BCAS1: variants seen among roughly 807,000 people sequenced by gnomAD.
BCAS1 encodes the protein breast carcinoma-amplified sequence 1.
BCAS1 carries 46 observed loss-of-function variants against 65.4 expected under a neutral mutation model. The observed-to-expected ratio is 0.70, with a 90% CI of 0.55 to 0.90. The LOEUF is 0.90. Among genes scored for constraint, BCAS1 ranks in the 40% least tolerant of loss-of-function variants. The pLI, the probability that BCAS1 is intolerant of heterozygous loss-of-function variation, is 0.00. For missense variants in BCAS1, 793 were observed against 771.2 expected (o/e 1.03, Z -0.33); for synonymous variants, 298 against 293.5 (o/e 1.02, Z -0.16).
At chr20:54,025,522 C>T (rs1228262750) in intron 4 of BCAS1, among the ~76,000 whole-genome samples, 1 of 152,142 alleles carries the variant, frequency 6.6e-6, no homozygotes, top group Non-Finnish European at 1.5e-5. Context: ...ATAAGATTGT[C>T]GTTCTGAAAA....
intron 6 of BCAS1, 117 bp downstream of exon 6, chr20:53,994,895 A>ACG: frequency 2.3e-6 from 1 of 443,278 alleles, no homozygotes; most frequent in Non-Finnish European, 4.1e-6. Context: ...TGATACACAC[A>ACG]CACACACACA....
intron 9 of BCAS1, among the ~76,000 whole-genome samples, chr20:53,971,364 C>T (rs1417038777): frequency 1.3e-5 from 2 of 152,152 alleles, no homozygotes; most frequent in African/African-American, 4.8e-5. Flanking sequence ...CATGGGTTAG[C>T]CAAAGCCAAC....
At chr20:54,001,862 A>G (rs537558096) in intron 4 of BCAS1, among the ~76,000 whole-genome samples, 1 of 152,208 alleles carries the variant, frequency 6.6e-6, no homozygotes, top group Non-Finnish European at 1.5e-5. Flanking sequence ...ACCCATTGGC[A>G]GTTACATTAG....
chr20:54,004,857 C>T (rs2145912739), intron 4 of BCAS1, among the ~76,000 whole-genome samples: 1 of 152,348 alleles, frequency 6.6e-6, no homozygotes, highest in Non-Finnish European at 1.5e-5. Flanking sequence ...CTCTGCAGTA[C>T]TGCACTTTCC....
chr20:54,069,062 T>C (rs1460463595), intron 1 of BCAS1, among the ~76,000 whole-genome samples: 2 of 152,170 alleles, frequency 1.3e-5, no homozygotes, highest in African/African-American at 4.8e-5. Context: ...ATTTGGGACA[T>C]TGGTTTGTTC....
chr20:53,998,762 C>T (rs1217552033), intron 4 of BCAS1, among the ~76,000 whole-genome samples: 2 of 151,926 alleles, frequency 1.3e-5, no homozygotes, highest in African/African-American at 2.4e-5. Context: ...TGAACAAGGT[C>T]GCTTAATCTT....
chr20:53,958,551 C>T (rs2089775855), intron 10 of BCAS1, among the ~76,000 whole-genome samples: 1 of 152,124 alleles, frequency 6.6e-6, no homozygotes. Context: ...TAAGAACAGC[C>T]AGAAACATTG....
At chr20:53,978,067 G>A (rs370696406) in intron 8 of BCAS1, among the ~76,000 whole-genome samples, 2 of 119,972 alleles carry the variant, frequency 1.7e-5, no homozygotes, top group South Asian at 2.6e-4. Context: ...AGTCCCCAGA[G>A]TGTGATGTTC....
chr20:53,985,060 T>C (rs1278750280), intron 8 of BCAS1, among the ~76,000 whole-genome samples: 1 of 152,164 alleles, frequency 6.6e-6, no homozygotes, highest in East Asian at 1.9e-4. Flanking sequence ...AAATTCTACT[T>C]GTTCATTTCC....
intron 3 of BCAS1, among the ~76,000 whole-genome samples, 184 bp downstream of exon 3, chr20:54,057,901 G>A (rs1160400391): frequency 6.6e-6 from 1 of 152,192 alleles, no homozygotes; most frequent in Non-Finnish European, 1.5e-5. Flanking sequence ...TCAGCACTGT[G>A]AGACAATACA....
intron 5 of BCAS1, 48 bp downstream of exon 5, chr20:53,995,844 A>G: frequency 6.6e-7 from 1 of 1,522,132 alleles, no homozygotes. Flanking sequence ...GAATTAACAA[A>G]ACTTTTGAGC....
In BCAS1 at chr20:54,058,710, G is replaced by C. The variant is rs1203133485; in HGVS notation, c.9C>G (p.Asn3Lys). The change falls in exon 2 of 13, where the codon AAC becomes AAG. Residue 3 changes from asparagine (N) to lysine (K), a missense_variant. Physicochemically the swap from Asn to Lys is moderately conservative, Grantham distance 94 (BLOSUM62 0). Coordinates refer to ENST00000688948, the MANE Select transcript of BCAS1 (RefSeq NM_001366298.2). MG[N>K]QMSVPQRVED... ...CAACTCTTTGGGGAACACTCATTTG[G>C]TTACCCATTGCTCCTATAATGGAGA... 2.9e-5 allele frequency: 46 copies of C among 1,604,404 alleles called. No individual in the cohort carries two copies. Among genetic ancestry groups the C allele is most frequent in the Non-Finnish European group, 3.9e-5 (46 of 1,176,324 alleles).
At chr20:53,990,605 A>T (rs2090731772) in intron 7 of BCAS1, among the ~76,000 whole-genome samples, 1 of 152,144 alleles carries the variant, frequency 6.6e-6, no homozygotes, top group Non-Finnish European at 1.5e-5. Flanking sequence ...AATGGAGAGT[A>T]TCACACCTCC....
chr20:54,068,098 C>T (rs1040992359), intron 1 of BCAS1, among the ~76,000 whole-genome samples: 3 of 152,210 alleles, frequency 2.0e-5, no homozygotes, highest in African/African-American at 7.2e-5. Context: ...TACAAGGGGA[C>T]ACAGGGAACT....
At chr20:53,948,375 C>T (rs902143694) in intron 12 of BCAS1, among the ~76,000 whole-genome samples, 10 of 152,198 alleles carry the variant, frequency 6.6e-5, no homozygotes, top group Non-Finnish European at 1.2e-4. Flanking sequence ...AAATTAGATG[C>T]TGGCATTTAA....
Position 53,953,602 on chromosome 20 carries a change from TC to T in BCAS1, c.1644del (p.Lys549SerfsTer6), listed in dbSNP as rs867399474. 11 of 1,613,926 alleles carry T rather than the reference TC, an allele frequency of 6.8e-6. No individual in the cohort carries two copies. Among genetic ancestry groups the T allele is most frequent in the Non-Finnish European group, 9.3e-6 (11 of 1,179,986 alleles). ...TGCTTGTTCATCTCGGCTGCTGACT[TC>T]TTGTCCTTCGAGGAGCCCTCTTTAC... ...QKGKEGSSKD[K>X]KSAAEMNKQK... On this transcript the variant is annotated frameshift_variant, in exon 12 of 13. Coordinates refer to ENST00000688948, the MANE Select transcript of BCAS1 (RefSeq NM_001366298.2). LOFTEE classifies it high-confidence loss of function.
chr20:54,033,022 G>T (rs1398846209), intron 3 of BCAS1, among the ~76,000 whole-genome samples: 1 of 151,110 alleles, frequency 6.6e-6, no homozygotes, highest in Non-Finnish European at 1.5e-5. Flanking sequence ...CAATTACATG[G>T]TAATTGAATG....
chr20:53,996,805 C>T (rs574000852), intron 4 of BCAS1, among the ~76,000 whole-genome samples: 1 of 152,204 alleles, frequency 6.6e-6, no homozygotes, highest in Non-Finnish European at 1.5e-5. Context: ...TCTGACAGCT[C>T]TTGGAGTCAA....
chr20:54,011,865 A>AAAAT (rs1419429468), intron 4 of BCAS1, among the ~76,000 whole-genome samples: 1 of 152,198 alleles, frequency 6.6e-6, no homozygotes, highest in African/African-American at 2.4e-5. Flanking sequence ...TCAAAAACTT[A>AAAAT]AAATAAATAA....
Sources: allele counts gnomAD v4.1 joint callset (sites outside exome capture counted in the v4.1 genomes callset), GRCh38; gene constraint gnomAD v4.1.1; transcripts MANE v1.5; gene names NCBI Gene and HGNC (gene_info 2026-07-23, HGNC 2026-07-21).